RAB3C: variants seen among roughly 807,000 people sequenced by gnomAD.
The protein encoded by RAB3C is RAB3C, member RAS oncogene family, also known as ras-related protein Rab-3C.
In RAB3C, 17 loss-of-function variants were observed where a neutral mutation model predicts 26.4. The ratio of observed to expected loss-of-function variants is 0.64; its 90% CI spans 0.44 to 0.97. The LOEUF is 0.97. Ranked by LOEUF, RAB3C falls within the 50% of genes least tolerant of loss-of-function variation. The pLI is 0.00. For missense variants in RAB3C, 242 were observed against 281.9 expected (o/e 0.86, Z 1.01); for synonymous variants, 91 against 95.9 (o/e 0.95, Z 0.30).
chr5:58,759,795 C>A (rs1411238031), intron 3 of RAB3C, among the ~76,000 whole-genome samples: 2 of 152,154 alleles, frequency 1.3e-5, no homozygotes, highest in African/African-American at 4.8e-5. Flanking sequence ...GTTGACTTGG[C>A]TTTGGTTCAC....
At chr5:58,816,835 AG>A (rs1743228557) in intron 3 of RAB3C, among the ~76,000 whole-genome samples, 1 of 152,202 alleles carries the variant, frequency 6.6e-6, no homozygotes, top group Non-Finnish European at 1.5e-5. Context: ...TGAAGCTAGA[AG>A]CTAGAAAGGT....
At chr5:58,837,994 T>C (rs1407837241) in intron 4 of RAB3C, among the ~76,000 whole-genome samples, 2 of 152,216 alleles carry the variant, frequency 1.3e-5, no homozygotes, top group East Asian at 3.8e-4. Context: ...TTTTGATGTC[T>C]CCTTTTTGTC....
intron 3 of RAB3C, among the ~76,000 whole-genome samples, chr5:58,736,782 C>A (rs185669395): frequency 4.4e-4 from 67 of 152,254 alleles, no homozygotes; most frequent in Non-Finnish European, 4.7e-4. Context: ...GGGGTTATAA[C>A]GTCAACATCT....
At chr5:58,807,839 TAAG>T in intron 3 of RAB3C, among the ~76,000 whole-genome samples, 1 of 151,892 alleles carries the variant, frequency 6.6e-6, no homozygotes, top group South Asian at 2.1e-4. Context: ...AAAAAAAATT[TAAG>T]AAGAAATATA....
chr5:58,739,378 T>G (rs909487723), intron 3 of RAB3C, among the ~76,000 whole-genome samples: 2 of 152,210 alleles, frequency 1.3e-5, no homozygotes, highest in African/African-American at 4.8e-5. Flanking sequence ...TATTGTTTGC[T>G]AAGTGTGGGA....
At chr5:58,752,665 T>C (rs1378371242) in intron 3 of RAB3C, among the ~76,000 whole-genome samples, 2 of 152,076 alleles carry the variant, frequency 1.3e-5, no homozygotes, top group African/African-American at 4.8e-5. Flanking sequence ...TCTCCAGCTA[T>C]TAAGTGAAGT....
At chr5:58,812,971 G>T (rs1743122623) in intron 3 of RAB3C, among the ~76,000 whole-genome samples, 1 of 152,136 alleles carries the variant, frequency 6.6e-6, no homozygotes, top group African/African-American at 2.4e-5. Flanking sequence ...AATAGTCTTG[G>T]TTTTCCTAAT....
At chr5:58,588,720 T>G (rs1746063661) in intron 1 of RAB3C, among the ~76,000 whole-genome samples, 1 of 152,150 alleles carries the variant, frequency 6.6e-6, no homozygotes, top group Non-Finnish European at 1.5e-5. Flanking sequence ...TTAGGTTAAT[T>G]AATTATACCT....
chr5:58,659,982 T>C (rs571841051), intron 2 of RAB3C, among the ~76,000 whole-genome samples: 41 of 152,224 alleles, frequency 2.7e-4, no homozygotes, highest in African/African-American at 9.4e-4. Context: ...TTTTGTGTTT[T>C]TTGTAGAGAC....
chr5:58,834,715 A>G (rs1427011395), intron 4 of RAB3C, among the ~76,000 whole-genome samples: 1 of 152,156 alleles, frequency 6.6e-6, no homozygotes, highest in Non-Finnish European at 1.5e-5. Flanking sequence ...CTTTTTGGCT[A>G]AGTATTCCCA....
At chr5:58,808,670 T>A (rs759415491) in intron 3 of RAB3C, among the ~76,000 whole-genome samples, 2 of 152,228 alleles carry the variant, frequency 1.3e-5, no homozygotes, top group Non-Finnish European at 2.9e-5. Flanking sequence ...ATATCTCATT[T>A]GTATTTGATT....
At chr5:58,731,004 G>A (rs1365631853) in intron 3 of RAB3C, among the ~76,000 whole-genome samples, 3 of 152,006 alleles carry the variant, frequency 2.0e-5, no homozygotes, top group Non-Finnish European at 4.4e-5. Context: ...ATCAGATCTC[G>A]TGAGACTTAC....
At chr5:58,587,283 T>C (rs1746032321) in intron 1 of RAB3C, among the ~76,000 whole-genome samples, 1 of 152,146 alleles carries the variant, frequency 6.6e-6, no homozygotes, top group Non-Finnish European at 1.5e-5. Flanking sequence ...AGGAAGGAAA[T>C]ATATGTTTAT....
chr5:58,684,887 C>T (rs1748413033), intron 2 of RAB3C, among the ~76,000 whole-genome samples: 1 of 152,176 alleles, frequency 6.6e-6, no homozygotes, highest in Non-Finnish European at 1.5e-5. Context: ...ATGCTATCCA[C>T]TTGTTTTAGA....
chr5:58,735,725 AC>A (rs1450704291), intron 3 of RAB3C, among the ~76,000 whole-genome samples: 12 of 152,260 alleles, frequency 7.9e-5, no homozygotes, highest in Middle Eastern at 6.8e-3. Flanking sequence ...AGGAGGCCCT[AC>A]TGACTTGCCC....
At chr5:58,716,858 A>G (rs1749183536) in intron 2 of RAB3C, among the ~76,000 whole-genome samples, 1 of 151,888 alleles carries the variant, frequency 6.6e-6, no homozygotes, top group African/African-American at 2.4e-5. Flanking sequence ...GGGCAGTGAA[A>G]CTACTCCATA....
intron 3 of RAB3C, among the ~76,000 whole-genome samples, chr5:58,732,734 T>C (rs1408556636): frequency 6.6e-6 from 1 of 152,210 alleles, no homozygotes; most frequent in African/African-American, 2.4e-5. Flanking sequence ...CAGTTTGATA[T>C]GTAAAGTTAT....
At chr5:58,635,415 A>T (rs1355953737) in intron 2 of RAB3C, among the ~76,000 whole-genome samples, 1 of 152,220 alleles carries the variant, frequency 6.6e-6, no homozygotes, top group South Asian at 2.1e-4. Context: ...TTGGTGACTT[A>T]TAAAGGCTCC....
rs1744166129 is a variant in RAB3C at position 58,853,696 on chromosome 5, CA to C, written c.*2348del. ...AGGGGAGAGACAGGCAACAATAGCC[CA>C]AATGTCATTGCCAAGAAACATCTGA... is the stretch of plus-strand genomic sequence containing the variant. On this transcript the variant is annotated 3_prime_UTR_variant, in exon 5 of 5. Transcript: ENST00000282878. The C allele has an allele frequency of 6.6e-6, 1 of 152,016 alleles. No homozygotes were observed. The highest frequency in any genetic ancestry group is 2.4e-5 in the African/African-American group (1 of 41,376). 9.4% of individuals were successfully genotyped at this position (152,016 alleles called of 1,614,324 possible).
Sources: allele counts gnomAD v4.1 joint callset (sites outside exome capture counted in the v4.1 genomes callset), GRCh38; gene constraint gnomAD v4.1.1; transcripts MANE v1.5; gene names NCBI Gene and HGNC (gene_info 2026-07-23, HGNC 2026-07-21).